PDE4D: variants seen among roughly 807,000 people sequenced by gnomAD.
The protein encoded by PDE4D is 3',5'-cyclic-AMP phosphodiesterase 4D.
In PDE4D, 24 loss-of-function variants were observed where a neutral mutation model predicts 87.4. The ratio of observed to expected loss-of-function variants is 0.27; its 90% confidence interval spans 0.20 to 0.39. PDE4D has a LOEUF of 0.39. Ranked by LOEUF, PDE4D falls within the 10% of genes least tolerant of loss-of-function variation. The probability of loss-of-function intolerance (pLI) is 1.00; values close to 1 mark genes in which losing one functional copy is unlikely to be tolerated. For synonymous variants in PDE4D, 384 were observed against 383.2 expected, an observed-to-expected ratio of 1.00 and a Z score of -0.02; for missense variants, 714 against 1,041.0, an observed-to-expected ratio of 0.69 and a Z score of 4.32.
At chr5:59,148,502 C>T (rs1030219994) in intron 5 of PDE4D, among the ~76,000 whole-genome samples, 1 of 152,102 alleles carries the variant, frequency 6.6e-6, no homozygotes, top group African/African-American at 2.4e-5. Flanking sequence ...AGATCCACAC[C>T]TCAAACAGTG....
chr5:60,105,319 A>G (rs1776760530), intron 2 of PDE4D, among the ~76,000 whole-genome samples: 1 of 152,206 alleles, frequency 6.6e-6, no homozygotes, highest in African/African-American at 2.4e-5. Flanking sequence ...AGAAAAAAGA[A>G]TAAAAAGAAA....
intron 1 of PDE4D, among the ~76,000 whole-genome samples, chr5:60,283,262 T>C (rs957946082): frequency 6.6e-6 from 1 of 152,198 alleles, no homozygotes; most frequent in African/African-American, 2.4e-5. Context: ...CCATCTTTTG[T>C]CTTATTTTGT....
At chr5:59,063,062 G>A (rs1053859340) in intron 5 of PDE4D, 24 of 152,102 alleles carry the variant, frequency 1.6e-4, no homozygotes, top group African/African-American at 5.1e-4. Flanking sequence ...CATATAAACA[G>A]AACTGCCCTT....
intron 1 of PDE4D, among the ~76,000 whole-genome samples, chr5:59,819,511 T>C (rs571744167): frequency 5.3e-4 from 81 of 152,366 alleles, no homozygotes; most frequent in African/African-American, 1.8e-3. Context: ...TAAATGCTGA[T>C]GTTATTTCTA....
chr5:59,582,554 A>G (rs1225458704), intron 1 of PDE4D, among the ~76,000 whole-genome samples: 2 of 152,256 alleles, frequency 1.3e-5, no homozygotes, highest in Non-Finnish European at 2.9e-5. Flanking sequence ...TGAATATATT[A>G]TCAATATACT....
intron 2 of PDE4D, among the ~76,000 whole-genome samples, chr5:60,175,585 T>A (rs1008308516): frequency 1.3e-5 from 2 of 152,300 alleles, no homozygotes; most frequent in Admixed American, 6.5e-5. Context: ...CAGTTGTTAT[T>A]TTCTTAATAT....
In PDE4D at chr5:58,975,877, C is replaced by A; in HGVS notation, c.1831-38G>T. The A allele has an allele frequency of 3.2e-6, 4 of 1,251,942 alleles. No homozygotes were observed. Among genetic ancestry groups the A allele is most frequent in the Non-Finnish European group, 3.1e-6 (3 of 975,616 alleles). 77.6% of individuals were successfully genotyped at this position (1,251,942 alleles called of 1,614,324 possible). A position where few individuals can be genotyped will look rare whatever the true frequency, so the allele number is the denominator to read the frequency against. On this transcript the variant is annotated intron_variant, in intron 13 of 14. Coordinates refer to ENST00000340635, the MANE Select transcript of PDE4D (RefSeq NM_001104631.2). This position sits in a 1 kb window ranked among gnomAD's most constrained non-coding sequence, Gnocchi z 4.2. ...GATGCATTCTCTATTCACTCCTGTT[C>A]CTTTTTTTTAAAAAAAAAAACAAAA...
chr5:60,309,761 A>G (rs1199469529), intron 1 of PDE4D, among the ~76,000 whole-genome samples: 1 of 152,254 alleles, frequency 6.6e-6, no homozygotes, highest in Non-Finnish European at 1.5e-5. Context: ...CATCAATGCC[A>G]TATTAGCAGC....
chr5:59,291,683 T>C (rs27181), intron 1 of PDE4D, among the ~76,000 whole-genome samples: 33,107 of 150,516 alleles, frequency 0.22, 5,108 homozygotes, highest in East Asian at 0.66. Context: ...ATTCCACAAA[T>C]ATATACACCT....
intron 6 of PDE4D, among the ~76,000 whole-genome samples, chr5:59,029,646 C>A (rs950759165): frequency 3.7e-5 from 4 of 108,950 alleles, no homozygotes; most frequent in Non-Finnish European, 7.4e-5. Flanking sequence ...CAATTCCTTT[C>A]AAAATTCCAA....
chr5:60,243,035 TA>T (rs993053970), intron 1 of PDE4D, among the ~76,000 whole-genome samples: 3 of 151,488 alleles, frequency 2.0e-5, no homozygotes, highest in Non-Finnish European at 4.4e-5. Flanking sequence ...AAAGATCCAT[TA>T]AAAAGTTTGC....
At chr5:60,092,078 A>AAAAAAAAAAAG (rs1775201232) in intron 2 of PDE4D, among the ~76,000 whole-genome samples, 1 of 143,916 alleles carries the variant, frequency 6.9e-6, no homozygotes, top group Non-Finnish European at 1.5e-5. Context: ...AAAAAAAAAA[A>AAAAAAAAAAAG]GAAAATGTGA....
chr5:59,399,201 T>C, intron 1 of PDE4D, among the ~76,000 whole-genome samples: 1 of 135,368 alleles, frequency 7.4e-6, no homozygotes, highest in Non-Finnish European at 1.7e-5. Context: ...AAGCTACCCA[T>C]GACTTTCTTC....
At chr5:59,552,045 A>C (rs544090628) in intron 1 of PDE4D, among the ~76,000 whole-genome samples, 22 of 152,170 alleles carry the variant, frequency 1.4e-4, no homozygotes, top group African/African-American at 5.1e-4. Context: ...GCAAGACCCC[A>C]TCTCTACAAA....
chr5:59,739,050 T>C (rs1758483739), intron 1 of PDE4D, among the ~76,000 whole-genome samples: 1 of 152,152 alleles, frequency 6.6e-6, no homozygotes, highest in South Asian at 2.1e-4. Context: ...CTTTTGTCTA[T>C]AGTTGTATAT....
chr5:60,336,293 A>G (rs1253942921), intron 1 of PDE4D, among the ~76,000 whole-genome samples: 1 of 152,220 alleles, frequency 6.6e-6, no homozygotes, highest in Non-Finnish European at 1.5e-5. Flanking sequence ...AATAATATAT[A>G]GATAAACTAG....
chr5:60,320,136 C>T (rs1232379752), intron 1 of PDE4D, among the ~76,000 whole-genome samples: 4 of 152,234 alleles, frequency 2.6e-5, no homozygotes, highest in Admixed American at 6.5e-5. Flanking sequence ...CCACCCAGTT[C>T]GAGCTTCCCA....
chr5:60,386,851 T>C (rs371813068), intron 1 of PDE4D, among the ~76,000 whole-genome samples: 2 of 152,364 alleles, frequency 1.3e-5, no homozygotes, highest in East Asian at 3.9e-4. Context: ...ATCTTTGATC[T>C]GGGATCTGTG....
At position 60,271,655 on chromosome 5, in the gene PDE4D, G is replaced by A. The variant is rs113983109; in HGVS notation, c.-89-85968C>T. Among the ~76,000 whole-genome samples the A allele has an allele frequency of 1.4e-3, 217 of 152,258 alleles. 3 individuals carry two copies. The highest frequency in any genetic ancestry group is 5.0e-3 in the African/African-American group (209 of 41,538). On this transcript the variant is annotated intron_variant, in intron 1 of 16. Coordinates refer to the PDE4D transcript ENST00000502484. ...TTTAATAGCTCCAAGACTTCCCTGC[G>A]CTAATCTGGTTTTCAGATAAGACAG... is the stretch of plus-strand genomic sequence containing the variant.
Sources: allele counts gnomAD v4.1 joint callset (sites outside exome capture counted in the v4.1 genomes callset), GRCh38; gene constraint gnomAD v4.1.1; non-coding constraint Gnocchi (gnomAD v3.1); transcripts MANE v1.5; gene names NCBI Gene and HGNC (gene_info 2026-07-23, HGNC 2026-07-21).